Variants in MGA observed in about 807,000 individuals in gnomAD.
MGA encodes the protein MAX gene-associated protein.
MGA carries 40 observed loss-of-function variants against 261.1 expected under a neutral mutation model. That is an observed-to-expected ratio of 0.15 (90% CI 0.12 to 0.20). MGA has a LOEUF of 0.20. MGA is among the 10% of genes least tolerant of loss of function. The pLI, the probability that MGA is intolerant of heterozygous loss-of-function variation, is 1.00. For missense variants in MGA, 3,397 were observed against 3,630.5 expected (o/e 0.94, Z 1.65); for synonymous variants, 1,302 against 1,290.6 (o/e 1.01, Z -0.19).
chr15:41,711,325 C>G lies in MGA; in HGVS notation c.3060C>G (p.Ser1020=), dbSNP rs1346115376. The G allele has an allele frequency of 6.2e-7, 1 of 1,607,568 alleles. No individual in the cohort carries two copies. The highest frequency in any genetic ancestry group is 1.1e-5 in the South Asian group (1 of 90,162). ...TCACAGAAGAGCGAGCAGATGTATC[C>G]TTAACAACTCTACTTACAGCTCAAG... The change falls in exon 8 of 24, where the codon TCC becomes TCG. Residue 1020 remains serine, a synonymous_variant. Coordinates refer to ENST00000219905, the MANE Select transcript of MGA (RefSeq NM_001164273.2).
At chr15:41,657,685 C>A (rs1357279367), upstream of MGA, among the ~76,000 whole-genome samples, 8 of 149,282 alleles carry the variant, frequency 5.4e-5, no homozygotes, top group African/African-American at 7.4e-5. Context: ...CAAAACAAAA[C>A]AAAAAAAAAA....
At chr15:41,748,330 A>G (rs866102111) in intron 15 of MGA, among the ~76,000 whole-genome samples, 3 of 152,292 alleles carry the variant, frequency 2.0e-5, no homozygotes, top group Middle Eastern at 3.4e-3. Flanking sequence ...AGAACGGCAG[A>G]TCACTTGAGG....
In MGA at chr15:41,705,952, A is replaced by G. The variant is rs114888646; in HGVS notation, c.2189-1776A>G. On this transcript the variant is annotated intron_variant, in intron 5 of 23. Transcript: ENST00000219905. ...TGTGATTAAATACAATAAATATGTAATACAGGCCAGGTGCGGTGGCTCAGG... is the reference window on the plus strand; with the variant it reads ...TGTGATTAAATACAATAAATATGTAGTACAGGCCAGGTGCGGTGGCTCAGG... Among the ~76,000 whole-genome samples, 265 of 152,284 alleles carry G rather than the reference A, an allele frequency of 1.7e-3. 2 individuals carry two copies. The highest frequency in any genetic ancestry group is 5.9e-3 in the African/African-American group (245 of 41,568).
chr15:41,717,581 A>G (rs1342959443), intron 9 of MGA, among the ~76,000 whole-genome samples: 4 of 152,192 alleles, frequency 2.6e-5, no homozygotes, highest in African/African-American at 9.6e-5. Context: ...TCAAGAAGAA[A>G]TAGGTGACTG....
chr15:41,741,346 C>CAA (rs11389766), intron 14 of MGA, among the ~76,000 whole-genome samples: 10,163 of 66,208 alleles, frequency 0.15, 540 homozygotes, highest in Non-Finnish European at 0.17. Flanking sequence ...ACTCCATCTC[C>CAA]AAAAAAAAAA....
At chr15:41,723,957 T>C (rs199767329) in intron 9 of MGA, among the ~76,000 whole-genome samples, 1 of 151,412 alleles carries the variant, frequency 6.6e-6, no homozygotes, top group East Asian at 1.9e-4. Context: ...ATTCTTGGTA[T>C]CTTAAGAGTT....
intron 1 of MGA, among the ~76,000 whole-genome samples, chr15:41,633,868 C>T (rs2056645502): frequency 2.6e-5 from 4 of 152,198 alleles, no homozygotes; most frequent in African/African-American, 9.6e-5. Context: ...ATCCTTACAA[C>T]GGCCTTTAAG....
rs1002669349 is a variant in MGA, at chr15:41,760,436, G to T, written c.7305G>T (p.Arg2435=). 2 of 1,613,916 alleles carry T rather than the reference G, an allele frequency of 1.2e-6. No individual in the cohort carries two copies. Among genetic ancestry groups the T allele is most frequent in the African/African-American group, 2.7e-5 (2 of 74,934 alleles). The change falls in exon 20 of 24, where the codon CGG becomes CGT. Residue 2435 remains arginine, a synonymous_variant. Transcript: ENST00000219905. ...CACACACTGCCAATGAGCGGCGGCG[G>T]CGTGGTGAAATGAGGGATCTCTTTG...
chr15:41,714,287 A>T (rs2060520814), intron 9 of MGA, among the ~76,000 whole-genome samples: 1 of 152,106 alleles, frequency 6.6e-6, no homozygotes, highest in Admixed American at 6.5e-5. Flanking sequence ...TGTAGATCTA[A>T]TTTTATAATG....
At chr15:41,735,156 T>C (rs1228202139) in intron 12 of MGA, among the ~76,000 whole-genome samples, 1 of 152,142 alleles carries the variant, frequency 6.6e-6, no homozygotes, top group East Asian at 1.9e-4. Context: ...TATAGCACAT[T>C]GCGGTAAGTG....
intron 15 of MGA, among the ~76,000 whole-genome samples, chr15:41,747,056 T>C (rs1199280207): frequency 6.6e-6 from 1 of 152,102 alleles, no homozygotes; most frequent in Admixed American, 6.6e-5. Flanking sequence ...GGAAAGGGCA[T>C]CTTTAAAGTA....
chr15:41,684,970 AAC>A (rs1408941254), intron 2 of MGA, among the ~76,000 whole-genome samples: 3 of 152,244 alleles, frequency 2.0e-5, no homozygotes, highest in African/African-American at 7.2e-5. Flanking sequence ...TTATTGAGTT[AAC>A]ACTTAAAATG....
intron 5 of MGA, among the ~76,000 whole-genome samples, chr15:41,707,379 T>C (rs985343353): frequency 7.9e-5 from 12 of 152,188 alleles, no homozygotes; most frequent in Admixed American, 5.9e-4. Flanking sequence ...ATTTATTTCA[T>C]TGCAGCTCCA....
At chr15:41,724,385 CA>C (rs1295205288) in intron 9 of MGA, among the ~76,000 whole-genome samples, 3 of 152,156 alleles carry the variant, frequency 2.0e-5, no homozygotes, top group African/African-American at 7.2e-5. Flanking sequence ...TACTTCCCCC[CA>C]AAAGCTACCT....
At chr15:41,630,173 T>G (rs1029383201) in intron 1 of MGA, among the ~76,000 whole-genome samples, 2 of 152,116 alleles carry the variant, frequency 1.3e-5, no homozygotes, top group Non-Finnish European at 2.9e-5. Context: ...ATAACCCCCT[T>G]TTGGCCTGGA....
At chr15:41,731,655 CTTTTATGAATAAAG>C (rs2061514470) in intron 11 of MGA, among the ~76,000 whole-genome samples, 1 of 152,092 alleles carries the variant, frequency 6.6e-6, no homozygotes, top group Non-Finnish European at 1.5e-5. Flanking sequence ...GAAGGACAAA[CTTTTATGAATAAAG>C]ACACAAGAAA....
chr15:41,746,667 A>G (rs1265139692), intron 15 of MGA, among the ~76,000 whole-genome samples: 1 of 149,696 alleles, frequency 6.7e-6, no homozygotes, highest in Non-Finnish European at 1.5e-5. Context: ...TGGATTTTCT[A>G]TATAATTTTT....
At chr15:41,742,018 T>G (rs2062138739) in intron 14 of MGA, among the ~76,000 whole-genome samples, 1 of 151,574 alleles carries the variant, frequency 6.6e-6, no homozygotes, top group Admixed American at 6.6e-5. Context: ...CCTGGAACAC[T>G]CAATTTTAAT....
At chr15:41,643,050 G>A (rs2056856663) in intron 1 of MGA, among the ~76,000 whole-genome samples, 1 of 151,030 alleles carries the variant, frequency 6.6e-6, no homozygotes, top group Non-Finnish European at 1.5e-5. Flanking sequence ...TTATAGGCAT[G>A]TGTCACCACA....
Sources: allele counts gnomAD v4.1 joint callset (sites outside exome capture counted in the v4.1 genomes callset), GRCh38; gene constraint gnomAD v4.1.1; transcripts MANE v1.5; gene names NCBI Gene and HGNC (gene_info 2026-07-23, HGNC 2026-07-21).